PLXDC1: variants seen among roughly 807,000 people sequenced by gnomAD.
PLXDC1 encodes the protein plexin domain containing 1, also known as plexin domain-containing protein 1.
A neutral mutation model predicts 61.3 loss-of-function variants in PLXDC1; 39 were observed. That is an observed-to-expected ratio of 0.64 (90% CI 0.49 to 0.83). The LOEUF (loss-of-function observed/expected upper bound fraction) is 0.83. Ranked by LOEUF, PLXDC1 falls within the 40% of genes least tolerant of loss-of-function variation. The pLI is 0.00. For synonymous variants in PLXDC1, 212 were observed against 254.5 expected, an observed-to-expected ratio of 0.83 and a Z score of 1.59; for missense variants, 596 against 666.5, an observed-to-expected ratio of 0.89 and a Z score of 1.17.
chr17:39,144,151 C>G (rs1912021234), intron 1 of PLXDC1, among the ~76,000 whole-genome samples: 1 of 152,106 alleles, frequency 6.6e-6, no homozygotes, highest in African/African-American at 2.4e-5. Flanking sequence ...GGGGGCCCAG[C>G]TGGGGGTGGC....
chr17:39,105,929 T>C lies in PLXDC1; in HGVS notation c.736A>G (p.Ser246Gly). 1 of 1,613,798 alleles carries C rather than the reference T, an allele frequency of 6.2e-7. No individual in the cohort carries two copies. The highest frequency in any genetic ancestry group is 8.5e-7 in the Non-Finnish European group (1 of 1,179,700). ...KEIPMSVPEI[S>G]SSQHPVKTGL... ...GTTTTGACAGGATGCTGGGAGGAGCTGATTTCCGGGACAGACATAGGGATC... is the reference window on the plus strand; with the variant it reads ...GTTTTGACAGGATGCTGGGAGGAGCCGATTTCCGGGACAGACATAGGGATC... Residue 246 changes from serine to glycine, a missense_variant, in exon 7 of 14, where the codon AGC (serine) becomes GGC (glycine). Coordinates refer to ENST00000315392, the MANE Select transcript of PLXDC1 (RefSeq NM_020405.5).
At chr17:39,105,134 G>A (rs1237703351) in intron 7 of PLXDC1, among the ~76,000 whole-genome samples, 4 of 152,162 alleles carry the variant, frequency 2.6e-5, no homozygotes, top group Non-Finnish European at 4.4e-5. Flanking sequence ...GACCTCCCGG[G>A]GTCCTACATG....
At chr17:39,146,948 A>ATTT (rs869300584) in intron 1 of PLXDC1, among the ~76,000 whole-genome samples, 65 of 74,684 alleles carry the variant, frequency 8.7e-4, no homozygotes, top group Non-Finnish European at 1.0e-3. Flanking sequence ...ACAGGAAATG[A>ATTT]TTTTTTTTTT....
intron 9 of PLXDC1, among the ~76,000 whole-genome samples, chr17:39,082,563 C>CAAAAA (rs11414417): frequency 6.3e-5 from 9 of 143,752 alleles, no homozygotes; most frequent in African/African-American, 1.8e-4. Context: ...AAAACTCTCT[C>CAAAAA]AAAAAAAAAA....
chr17:39,108,396 G>T, intron 4 of PLXDC1, 151 bp from the exon 5 acceptor site: 1 of 772,914 alleles, frequency 1.3e-6, no homozygotes, highest in Non-Finnish European at 2.1e-6. Flanking sequence ...CGGGCTCTGG[G>T]TCTGGTGTGT....
At chr17:39,127,727 G>A (rs1023657906) in intron 2 of PLXDC1, among the ~76,000 whole-genome samples, 4 of 151,730 alleles carry the variant, frequency 2.6e-5, no homozygotes, top group Non-Finnish European at 5.9e-5. Flanking sequence ...ATGCCGAGGC[G>A]GGCGGATCAC....
At chr17:39,149,176 G>C (rs953605862) in intron 1 of PLXDC1, among the ~76,000 whole-genome samples, 13 of 152,076 alleles carry the variant, frequency 8.5e-5, no homozygotes, top group Non-Finnish European at 1.5e-5. Context: ...AGGTTTCAAG[G>C]CTCTACCAAA....
chr17:39,144,509 C>A (rs1912033473), intron 1 of PLXDC1, among the ~76,000 whole-genome samples: 1 of 152,222 alleles, frequency 6.6e-6, no homozygotes, highest in South Asian at 2.1e-4. Context: ...TTCCCTGTTG[C>A]CTGGGACAGG....
chr17:39,152,218 C>A (rs2045378744), upstream of PLXDC1, among the ~76,000 whole-genome samples: 1 of 151,224 alleles, frequency 6.6e-6, no homozygotes, highest in African/African-American at 2.4e-5. Flanking sequence ...GCCCCCCAAG[C>A]CTAGCAGACG....
intron 11 of PLXDC1, among the ~76,000 whole-genome samples, chr17:39,076,055 GCAACAGAGCAGGA>G (rs1372477522): frequency 2.8e-5 from 4 of 140,730 alleles, no homozygotes; most frequent in African/African-American, 5.2e-5. Flanking sequence ...TCCAGCCTGG[GCAACAGAGCAGGA>G]CTAAGTCTGA....
In PLXDC1 at chr17:39,151,476, C is replaced by A; in HGVS notation, c.-39G>T. 8.1e-7 allele frequency: 1 copy of A among 1,240,084 alleles called. No individual in the cohort carries two copies. Among genetic ancestry groups the A allele is most frequent in the Non-Finnish European group, 1.0e-6 (1 of 991,426 alleles). 76.8% of individuals were successfully genotyped at this position (1,240,084 alleles called of 1,614,324 possible). A position where few individuals can be genotyped will look rare whatever the true frequency, so the allele number is the denominator to read the frequency against. On this transcript the variant is annotated 5_prime_UTR_variant, in exon 1 of 14. Transcript: ENST00000315392. The surrounding 1 kb of genome is among the most constrained non-coding windows in gnomAD (Gnocchi z 5.2). The stretch of plus-strand genomic sequence containing the variant: ...ACCTGCCCCCGGCCTGCTTGCTGCC[C>A]CGGTCCTGACGAGGGAGGGGGCCCT...
chr17:39,097,738 AAAT>A (rs1910262026), intron 7 of PLXDC1, among the ~76,000 whole-genome samples: 1 of 150,734 alleles, frequency 6.6e-6, no homozygotes, highest in African/African-American at 2.4e-5. Flanking sequence ...ATAAATAAAT[AAAT>A]AAATAAATAA....
Position 39,067,723 on chromosome 17 carries a change from C to T in PLXDC1, c.*117G>A. ...GAGCAGCAGCTCTGGAGCCATAAAC[C>T]ACCATCTCATCTCAGCCCAGGGCAT... On this transcript the variant is annotated 3_prime_UTR_variant, in exon 14 of 14. Transcript: ENST00000315392. The T allele has an allele frequency of 9.9e-7, 1 of 1,013,944 alleles. No individual in the cohort carries two copies. Among genetic ancestry groups the T allele is most frequent in the Non-Finnish European group, 1.5e-6 (1 of 683,096 alleles). 62.8% of individuals were successfully genotyped at this position (1,013,944 alleles called of 1,614,324 possible).
chr17:39,152,479 G>A (rs921009135), upstream of PLXDC1: 6 of 1,163,020 alleles, frequency 5.2e-6, no homozygotes, highest in Admixed American at 2.1e-4. Flanking sequence ...CCGCAATGTA[G>A]GATATTTAAT....
intron 1 of PLXDC1, among the ~76,000 whole-genome samples, chr17:39,141,103 C>T (rs899728093): frequency 6.6e-6 from 1 of 152,198 alleles, no homozygotes; most frequent in Non-Finnish European, 1.5e-5. Context: ...GATCATAGCT[C>T]ACTGCAGCCT....
At chr17:39,141,706 T>G (rs1054858155) in intron 1 of PLXDC1, among the ~76,000 whole-genome samples, 3 of 152,168 alleles carry the variant, frequency 2.0e-5, no homozygotes, top group Non-Finnish European at 4.4e-5. Flanking sequence ...TTTTGAGGAA[T>G]TGTCATACTG....
chr17:39,130,052 G>A (rs1436621510), intron 2 of PLXDC1, among the ~76,000 whole-genome samples: 1 of 152,186 alleles, frequency 6.6e-6, no homozygotes, highest in African/African-American at 2.4e-5. Flanking sequence ...TCCAGAATGT[G>A]TAACTTCATA....
intron 2 of PLXDC1, among the ~76,000 whole-genome samples, chr17:39,118,066 C>G (rs1344111080): frequency 1.0e-5 from 1 of 99,610 alleles, no homozygotes; most frequent in African/African-American, 4.2e-5. Flanking sequence ...AATTCCTTCC[C>G]TCCCTCCCTC....
intron 1 of PLXDC1, among the ~76,000 whole-genome samples, chr17:39,141,274 T>A (rs1911926437): frequency 2.6e-5 from 4 of 152,190 alleles, no homozygotes; most frequent in Admixed American, 6.5e-5. Flanking sequence ...TCTCAAGCAA[T>A]TTTCCTGCCT....
Sources: allele counts gnomAD v4.1 joint callset (sites outside exome capture counted in the v4.1 genomes callset), GRCh38; gene constraint gnomAD v4.1.1; non-coding constraint Gnocchi (gnomAD v3.1); transcripts MANE v1.5; gene names NCBI Gene and HGNC (gene_info 2026-07-23, HGNC 2026-07-21).